DPP10: variants seen among roughly 807,000 people sequenced by gnomAD.
The protein encoded by DPP10 is inactive dipeptidyl peptidase 10.
DPP10 carries 33 observed loss-of-function variants against 120.9 expected under a neutral mutation model. That is an observed-to-expected ratio of 0.27 (90% CI 0.21 to 0.37). DPP10 has a LOEUF of 0.37. DPP10 is among the 10% of genes least tolerant of loss of function. The pLI is 1.00. For synonymous variants in DPP10, 337 were observed against 326.1 expected (o/e 1.03, Z -0.36); for missense variants, 816 against 942.8 (o/e 0.87, Z 1.76).
intron 2 of DPP10, among the ~76,000 whole-genome samples, chr2:115,341,437 A>T (rs2063441694): frequency 6.6e-6 from 1 of 151,940 alleles, no homozygotes; most frequent in South Asian, 2.1e-4. Context: ...AATTGCTATC[A>T]CTCATGAACC....
chr2:115,336,139 A>G (rs1343129280), intron 2 of DPP10, among the ~76,000 whole-genome samples: 1 of 152,110 alleles, frequency 6.6e-6, no homozygotes, highest in Non-Finnish European at 1.5e-5. Flanking sequence ...TGAATGCTGA[A>G]GAACTTTCTT....
At chr2:115,180,786 A>T (rs1267553331) in intron 1 of DPP10, among the ~76,000 whole-genome samples, 1 of 152,164 alleles carries the variant, frequency 6.6e-6, no homozygotes, top group East Asian at 1.9e-4. Flanking sequence ...GGGAGTGGGC[A>T]TGAAAAAATG....
intron 3 of DPP10, among the ~76,000 whole-genome samples, chr2:115,382,167 C>A (rs916713510): frequency 6.6e-6 from 1 of 152,174 alleles, no homozygotes; most frequent in African/African-American, 2.4e-5. Flanking sequence ...CTCACTGCCA[C>A]CTTGCAGTTT....
intron 1 of DPP10, among the ~76,000 whole-genome samples, chr2:114,944,376 A>G (rs1368963513): frequency 6.6e-6 from 1 of 152,166 alleles, no homozygotes; most frequent in Non-Finnish European, 1.5e-5. Context: ...GGTGCATTTC[A>G]TAAGCATTTC....
At chr2:115,750,317 A>G (rs1678542195) in intron 10 of DPP10, 13 of 511,548 alleles carry the variant, frequency 2.5e-5, no homozygotes, top group Non-Finnish European at 3.3e-5. Context: ...AAGAAAGGAT[A>G]TAGGAAGTGA....
At chr2:115,685,074 C>T (rs971394553) in intron 5 of DPP10, among the ~76,000 whole-genome samples, 3 of 151,912 alleles carry the variant, frequency 2.0e-5, no homozygotes, top group African/African-American at 7.2e-5. Context: ...CCTACTTAAA[C>T]TTTCAGTTTT....
intron 16 of DPP10, among the ~76,000 whole-genome samples, chr2:115,781,938 A>T (rs1221960316): frequency 6.6e-6 from 1 of 151,992 alleles, no homozygotes; most frequent in Non-Finnish European, 1.5e-5. Flanking sequence ...ACTATTTCCA[A>T]TATGCGTGCT....
intron 1 of DPP10, among the ~76,000 whole-genome samples, chr2:114,626,820 G>C (rs530265388): frequency 2.4e-4 from 37 of 152,188 alleles, no homozygotes; most frequent in Non-Finnish European, 4.4e-4. Flanking sequence ...TTTTGCGTGT[G>C]ATTTACGAGT....
chr2:114,800,056 G>A (rs939624253), intron 1 of DPP10, among the ~76,000 whole-genome samples: 1 of 152,172 alleles, frequency 6.6e-6, no homozygotes, highest in Non-Finnish European at 1.5e-5. Flanking sequence ...ATGAGGTGTA[G>A]GTACTTTAGT....
intron 19 of DPP10, among the ~76,000 whole-genome samples, chr2:115,801,399 C>T (rs1299838299): frequency 2.0e-5 from 3 of 152,148 alleles, no homozygotes; most frequent in Non-Finnish European, 2.9e-5. Flanking sequence ...AATTTGACTT[C>T]CTCTTTTCCT....
At chr2:115,153,466 C>T (rs147211908) in intron 1 of DPP10, among the ~76,000 whole-genome samples, 269 of 152,222 alleles carry the variant, frequency 1.8e-3, no homozygotes, top group African/African-American at 6.2e-3. Flanking sequence ...TGTAATTTGC[C>T]CTACTGCTTT....
intron 1 of DPP10, among the ~76,000 whole-genome samples, chr2:115,038,937 C>T (rs1485742252): frequency 2.0e-5 from 3 of 152,158 alleles, no homozygotes; most frequent in Non-Finnish European, 2.9e-5. Flanking sequence ...AGCCCTTAAT[C>T]AAACAAACCT....
intron 4 of DPP10, among the ~76,000 whole-genome samples, chr2:115,518,204 CA>C (rs1220724643): frequency 1.3e-5 from 2 of 152,100 alleles, no homozygotes; most frequent in African/African-American, 4.8e-5. Flanking sequence ...CACTGGGGAT[CA>C]AATTTCGATA....
At chr2:115,823,812 G>T (rs1688043564) in intron 21 of DPP10, among the ~76,000 whole-genome samples, 1 of 152,148 alleles carries the variant, frequency 6.6e-6, no homozygotes, top group Admixed American at 6.5e-5. Context: ...CAATGAGGCT[G>T]AAACAAGTCT....
At chr2:115,063,536 C>T (rs773970872) in intron 1 of DPP10, among the ~76,000 whole-genome samples, 4 of 152,088 alleles carry the variant, frequency 2.6e-5, no homozygotes, top group Non-Finnish European at 4.4e-5. Flanking sequence ...GCTACAGTAA[C>T]CAAAACAGCT....
chr2:115,582,355 G>A (rs1348793971), intron 5 of DPP10, among the ~76,000 whole-genome samples: 2 of 152,178 alleles, frequency 1.3e-5, no homozygotes, highest in African/African-American at 4.8e-5. Flanking sequence ...CATTTTGCCT[G>A]TTACTGCACA....
At chr2:114,638,732 T>C (rs1695484256) in intron 1 of DPP10, among the ~76,000 whole-genome samples, 1 of 151,854 alleles carries the variant, frequency 6.6e-6, no homozygotes, top group Admixed American at 6.6e-5. Context: ...GTTTGGAGTT[T>C]TCTCAAAGAA....
intron 1 of DPP10, among the ~76,000 whole-genome samples, chr2:115,217,045 G>A (rs1009220424): frequency 1.3e-5 from 2 of 152,046 alleles, no homozygotes; most frequent in East Asian, 1.9e-4. Context: ...TTATCTGTCC[G>A]ATAAGTGGGT....
intron 1 of DPP10, among the ~76,000 whole-genome samples, chr2:114,993,738 G>T (rs1700903498): frequency 6.6e-6 from 1 of 151,578 alleles, no homozygotes. Context: ...TTACTCATAG[G>T]TTGTACGACT....
Sources: allele counts gnomAD v4.1 joint callset (sites outside exome capture counted in the v4.1 genomes callset), GRCh38; gene constraint gnomAD v4.1.1; transcripts MANE v1.5; gene names NCBI Gene and HGNC (gene_info 2026-07-23, HGNC 2026-07-21).